Variants in MAST2 observed in about 807,000 individuals in gnomAD.
MAST2 encodes the protein microtubule associated serine/threonine kinase 2.
In MAST2, 70 loss-of-function variants were observed where a neutral mutation model predicts 147.4. That is an observed-to-expected ratio of 0.47 (90% CI 0.39 to 0.58). The LOEUF (loss-of-function observed/expected upper bound fraction) is 0.58, where lower values mean the gene tolerates loss of function less well. Among genes scored for constraint, MAST2 ranks in the 20% least tolerant of loss-of-function variants. The pLI is 0.00. For synonymous variants in MAST2, 869 were observed against 896.8 expected, an observed-to-expected ratio of 0.97 and a Z score of 0.55; for missense variants, 2,080 against 2,302.3, an observed-to-expected ratio of 0.90 and a Z score of 1.98.
At chr1:45,902,344 G>T (rs370805492) in intron 4 of MAST2, among the ~76,000 whole-genome samples, 3 of 152,142 alleles carry the variant, frequency 2.0e-5, no homozygotes, top group African/African-American at 7.2e-5. Context: ...ATTTGATCAT[G>T]ATCCAGTTAT....
At chr1:45,962,643 T>G (rs1660596359) in intron 5 of MAST2, among the ~76,000 whole-genome samples, 1 of 152,216 alleles carries the variant, frequency 6.6e-6, no homozygotes, top group South Asian at 2.1e-4. Context: ...GTAAATTTGT[T>G]TGAGTTCTTT....
chr1:46,001,015 A>G (rs1645253491), intron 6 of MAST2: 10 of 1,283,232 alleles, frequency 7.8e-6, no homozygotes, highest in Non-Finnish European at 9.2e-6. Flanking sequence ...GGGCTGGGAA[A>G]CTGCTATGCA....
At chr1:45,846,791 C>T (rs1384323145) in intron 3 of MAST2, among the ~76,000 whole-genome samples, 2 of 151,160 alleles carry the variant, frequency 1.3e-5, no homozygotes, top group African/African-American at 4.9e-5. Context: ...TGCCACTGCA[C>T]TCCAGCCCAG....
chr1:45,897,113 C>T (rs868717316), intron 4 of MAST2, among the ~76,000 whole-genome samples: 4 of 152,128 alleles, frequency 2.6e-5, no homozygotes, highest in South Asian at 2.1e-4. Flanking sequence ...TCCTTCTTTC[C>T]GTTTATACCC....
intron 4 of MAST2, among the ~76,000 whole-genome samples, chr1:45,884,054 AAGAAGG>A (rs60635255): frequency 0.44 from 66,747 of 150,760 alleles, 14,918 homozygotes; most frequent in East Asian, 0.62. Flanking sequence ...AGTTGCTGGG[AAGAAGG>A]AGAAGGAGGA....
intron 4 of MAST2, among the ~76,000 whole-genome samples, chr1:45,910,125 TTC>T (rs1491125330): frequency 2.6e-5 from 4 of 151,746 alleles, no homozygotes; most frequent in African/African-American, 9.7e-5. Context: ...TTTTTTTTTT[TTC>T]CCCAAATTTA....
Position 46,035,502 on chromosome 1 carries a change from C to T in MAST2, c.4833C>T (p.Ile1611=). 1.2e-6 allele frequency: 2 copies of T among 1,613,308 alleles called. No individual in the cohort carries two copies. The highest frequency in any genetic ancestry group is 1.6e-4 in the Middle Eastern group (1 of 6,062). ...GTCAGTCTGGAGCCACAGACCCCAT[C>T]CCTCCTGAAGGTTGCTGGAAGGCCC... ...NLGQSGATDP[I]PPEGCWKAQH... The change falls in exon 29 of 29, where the codon ATC becomes ATT. Residue 1611 remains isoleucine (I), a synonymous_variant. Coordinates refer to ENST00000361297, the MANE Select transcript of MAST2 (RefSeq NM_015112.3). This position sits in a 1 kb window ranked among gnomAD's most constrained non-coding sequence, Gnocchi z 5.5.
At chr1:45,960,301 G>A (rs1660238198) in intron 5 of MAST2, among the ~76,000 whole-genome samples, 1 of 152,092 alleles carries the variant, frequency 6.6e-6, no homozygotes, top group Admixed American at 6.6e-5. Flanking sequence ...TTGAGCTTAG[G>A]AGTTTGAGAC....
chr1:45,867,274 A>G lies in MAST2; in HGVS notation c.469-15090A>G, dbSNP rs111333855. Reference sequence around the variant, plus strand: ...TGGTGGTACAGGTAATCTACTGGGTAACCTCAGATTTGAAGGTGAAAATCC... The same window carrying G: ...TGGTGGTACAGGTAATCTACTGGGTGACCTCAGATTTGAAGGTGAAAATCC... On this transcript the variant is annotated intron_variant, in intron 3 of 28. Coordinates refer to ENST00000361297, the MANE Select transcript of MAST2 (RefSeq NM_015112.3). 1.4e-3 allele frequency among the ~76,000 whole-genome samples: 207 copies of G among 152,350 alleles called. 1 individual carries two copies. The highest frequency in any genetic ancestry group is 4.9e-3 in the African/African-American group (202 of 41,578).
intron 4 of MAST2, among the ~76,000 whole-genome samples, chr1:45,913,311 A>G (rs977239029): frequency 6.6e-6 from 1 of 152,176 alleles, no homozygotes; most frequent in Non-Finnish European, 1.5e-5. Flanking sequence ...TTATTTTACC[A>G]GTTTCTTCCA....
intron 5 of MAST2, among the ~76,000 whole-genome samples, chr1:45,960,019 C>T (rs1002703962): frequency 6.6e-6 from 1 of 152,182 alleles, no homozygotes; most frequent in African/African-American, 2.4e-5. Context: ...GATCCTCCCA[C>T]CTCATCCTCC....
chr1:45,986,886 C>T (rs1399525498), intron 5 of MAST2, among the ~76,000 whole-genome samples: 6 of 151,824 alleles, frequency 4.0e-5, no homozygotes, highest in Admixed American at 2.0e-4. Context: ...TAATGCTGAC[C>T]TCATAGTTAT....
intron 1 of MAST2, among the ~76,000 whole-genome samples, chr1:45,805,084 C>T (rs1644101861): frequency 6.7e-6 from 1 of 148,232 alleles, no homozygotes; most frequent in African/African-American, 2.5e-5. Context: ...AAGTCTCGCT[C>T]TGTCGCCCAG....
chr1:46,027,025 G>A (rs1475971833), intron 16 of MAST2, among the ~76,000 whole-genome samples: 2 of 152,126 alleles, frequency 1.3e-5, no homozygotes, highest in Non-Finnish European at 2.9e-5. Flanking sequence ...CAAAATTATT[G>A]TTTTTCACTG....
At chr1:45,967,800 A>G (rs1319670824) in intron 5 of MAST2, among the ~76,000 whole-genome samples, 1 of 152,206 alleles carries the variant, frequency 6.6e-6, no homozygotes, top group Non-Finnish European at 1.5e-5. Context: ...TGTAATCCAA[A>G]TCAACCTTCA....
At chr1:45,922,124 C>G (rs750170293) in intron 4 of MAST2, among the ~76,000 whole-genome samples, 53 of 152,192 alleles carry the variant, frequency 3.5e-4, no homozygotes, top group Non-Finnish European at 6.5e-4. Context: ...CCTATGGTCC[C>G]TCCCTCCTCT....
In MAST2 at chr1:46,023,249, T is replaced by A; in HGVS notation, c.1502T>A (p.Leu501Gln). Residue 501 changes from leucine to glutamine, a missense_variant, in exon 14 of 29, where the codon CTG (leucine) becomes CAG (glutamine). Leu to Gln is a moderately radical substitution (Grantham distance 113). Transcript: ENST00000361297. This position sits in a 1 kb window ranked among gnomAD's most constrained non-coding sequence, Gnocchi z 4.9. ...GTCTTCCAGGGCCATGGGGCATCTCTGCCATCTAAAAAGACACCCTCTGAA... is the reference window on the plus strand; with the variant it reads ...GTCTTCCAGGGCCATGGGGCATCTCAGCCATCTAAAAAGACACCCTCTGAA... ...DDSIEGHGAS[L>Q]PSKKTPSEED... The A allele has an allele frequency of 6.2e-7, 1 of 1,614,190 alleles. No individual in the cohort carries two copies. Among genetic ancestry groups the A allele is most frequent in the Non-Finnish European group, 8.5e-7 (1 of 1,180,018 alleles).
intron 3 of MAST2, among the ~76,000 whole-genome samples, chr1:45,851,158 TCTCCTTGTTGAGATCTTTTAC>T (rs1268225038): frequency 6.6e-6 from 1 of 152,172 alleles, no homozygotes; most frequent in African/African-American, 2.4e-5. Flanking sequence ...TGTTTGTAGT[TCTCCTTGTTGAGATCTTTTAC>T]CTCCTTGGTT....
intron 4 of MAST2, among the ~76,000 whole-genome samples, chr1:45,915,571 G>A (rs1170130063): frequency 3.3e-5 from 5 of 152,006 alleles, no homozygotes; most frequent in South Asian, 2.1e-4. Flanking sequence ...TTAGCCGGAC[G>A]TGGTGGCGGG....
Sources: allele counts gnomAD v4.1 joint callset (sites outside exome capture counted in the v4.1 genomes callset), GRCh38; gene constraint gnomAD v4.1.1; non-coding constraint Gnocchi (gnomAD v3.1); transcripts MANE v1.5; gene names NCBI Gene and HGNC (gene_info 2026-07-23, HGNC 2026-07-21).